Variants in PTPRN2 observed in about 807,000 individuals in gnomAD.
The protein encoded by PTPRN2 is protein tyrosine phosphatase receptor type N2.
Under a neutral mutation model 118.8 loss-of-function variants are expected in PTPRN2, and 74 were observed. That is an observed-to-expected ratio of 0.62 (90% CI 0.52 to 0.76). PTPRN2 has a LOEUF of 0.76. PTPRN2 is among the 30% of genes least tolerant of loss of function. PTPRN2 has a pLI of 0.00. For missense variants in PTPRN2, 1,481 were observed against 1,394.4 expected, an observed-to-expected ratio of 1.06 and a Z score of -0.99; for synonymous variants, 641 against 608.0, an observed-to-expected ratio of 1.05 and a Z score of -0.80.
At chr7:158,342,688 G>A (rs1411211349) in intron 2 of PTPRN2, among the ~76,000 whole-genome samples, 3 of 152,126 alleles carry the variant, frequency 2.0e-5, no homozygotes, top group Non-Finnish European at 2.9e-5. Flanking sequence ...AACTGTCATG[G>A]TCCCCATTCC....
intron 14 of PTPRN2, among the ~76,000 whole-genome samples, chr7:157,624,708 T>C (rs1328671404): frequency 1.3e-5 from 2 of 152,234 alleles, no homozygotes; most frequent in Non-Finnish European, 2.9e-5. Context: ...GGGCCGTCTA[T>C]ACTGTGGTCA....
At chr7:157,556,417 G>A (rs562779544) in intron 21 of PTPRN2, among the ~76,000 whole-genome samples, 52 of 126,116 alleles carry the variant, frequency 4.1e-4, no homozygotes, top group East Asian at 2.2e-3. Flanking sequence ...TCATACATAC[G>A]CACATGCACA....
chr7:157,913,250 TTGCATG>T (rs1798198552), intron 11 of PTPRN2, among the ~76,000 whole-genome samples: 1 of 152,218 alleles, frequency 6.6e-6, no homozygotes, highest in Non-Finnish European at 1.5e-5. Flanking sequence ...CAGCTGACTT[TTGCATG>T]ATTTCATATA....
chr7:157,844,792 C>T (rs532609370), intron 12 of PTPRN2, among the ~76,000 whole-genome samples: 59 of 152,302 alleles, frequency 3.9e-4, no homozygotes, highest in Admixed American at 3.4e-3. Context: ...GTGAGCTGGG[C>T]GCTGCCTGCA....
At chr7:158,136,561 A>G in intron 8 of PTPRN2, 94 bp downstream of exon 8, 1 of 1,286,756 alleles carries the variant, frequency 7.8e-7, no homozygotes, top group South Asian at 1.3e-5. Flanking sequence ...TGGGAAAAAA[A>G]CTTTTGTATT....
intron 9 of PTPRN2, among the ~76,000 whole-genome samples, chr7:158,120,158 G>A (rs1408495125): frequency 1.3e-5 from 2 of 152,162 alleles, no homozygotes; most frequent in African/African-American, 2.4e-5. Context: ...CAAATTCAGA[G>A]AGACACAGAG....
chr7:157,660,426 C>T (rs1248175137), intron 13 of PTPRN2, among the ~76,000 whole-genome samples: 3 of 152,090 alleles, frequency 2.0e-5, no homozygotes, highest in Non-Finnish European at 2.9e-5. Flanking sequence ...CACAAACTTC[C>T]GTTTTTATTG....
At position 157,788,223 on chromosome 7, in the gene PTPRN2, A is replaced by G. The variant is rs113465913; in HGVS notation, c.1789-105286T>C. ...ACTCCGTCTCTACTAAAAGTACAAAAAAGTAGCCAGGTGTGGTAGCATGAG... is the reference window on the plus strand; with the variant it reads ...ACTCCGTCTCTACTAAAAGTACAAAGAAGTAGCCAGGTGTGGTAGCATGAG... On this transcript the variant is annotated intron_variant, in intron 12 of 22. Coordinates refer to ENST00000389418, the MANE Select transcript of PTPRN2 (RefSeq NM_002847.5). 1.8e-3 allele frequency among the ~76,000 whole-genome samples: 271 copies of G among 152,120 alleles called. 3 individuals carry two copies. The highest frequency in any genetic ancestry group is 6.4e-3 in the African/African-American group (265 of 41,470).
At position 157,785,619 on chromosome 7, in the gene PTPRN2, T is replaced by A. The variant is rs997455437; in HGVS notation, c.1789-102682A>T. 6.6e-5 allele frequency among the ~76,000 whole-genome samples: 10 copies of A among 151,990 alleles called. No homozygotes were observed. The highest frequency in any genetic ancestry group is 2.4e-4 in the African/African-American group (10 of 41,368). ...AGGGAAGCTTCTCCCAGGACCAGGGTCCCTGCTTTCTGCAGACGGTGGGCA... is the reference window on the plus strand; with the variant it reads ...AGGGAAGCTTCTCCCAGGACCAGGGACCCTGCTTTCTGCAGACGGTGGGCA... On this transcript the variant is annotated intron_variant, in intron 12 of 22. Transcript: ENST00000389418. The surrounding 1 kb of genome is among the most constrained non-coding windows in gnomAD (Gnocchi z 7.3).
chr7:158,273,529 C>T (rs1281411290), intron 3 of PTPRN2, among the ~76,000 whole-genome samples: 1 of 78,656 alleles, frequency 1.3e-5, no homozygotes, highest in African/African-American at 5.6e-5. Context: ...TGGGAGGAGC[C>T]GCAGACACGG....
intron 11 of PTPRN2, among the ~76,000 whole-genome samples, chr7:158,008,140 T>A (rs1386366468): frequency 2.2e-5 from 1 of 45,184 alleles, no homozygotes; most frequent in Non-Finnish European, 6.0e-5. Flanking sequence ...CATGTACACA[T>A]GTGTGAGTGT....
At chr7:157,670,753 C>T (rs74657492) in intron 13 of PTPRN2, among the ~76,000 whole-genome samples, 1,579 of 152,330 alleles carry the variant, frequency 0.01, 50 homozygotes, top group East Asian at 0.092. Flanking sequence ...AGATCCAACA[C>T]GACCTCTGTG....
intron 2 of PTPRN2, among the ~76,000 whole-genome samples, chr7:158,416,333 A>G (rs1814653856): frequency 6.6e-6 from 1 of 152,172 alleles, no homozygotes; most frequent in South Asian, 2.1e-4. Context: ...AAGTTTAGAT[A>G]TGCACCCCCA....
intron 11 of PTPRN2, among the ~76,000 whole-genome samples, chr7:158,060,424 C>T (rs1810236809): frequency 6.6e-6 from 1 of 152,216 alleles, no homozygotes; most frequent in African/African-American, 2.4e-5. Context: ...CTGCTTTCTC[C>T]CCAGCTCCCA....
At chr7:157,782,315 C>T (rs931668013) in intron 12 of PTPRN2, among the ~76,000 whole-genome samples, 12 of 152,230 alleles carry the variant, frequency 7.9e-5, no homozygotes, top group Non-Finnish European at 7.3e-5. Context: ...CTCAGGCATC[C>T]GAGAATTAAT....
intron 11 of PTPRN2, among the ~76,000 whole-genome samples, chr7:157,900,973 T>C (rs567914144): frequency 1.4e-4 from 21 of 152,304 alleles, no homozygotes; most frequent in Non-Finnish European, 1.0e-4. Context: ...AGAGGTTTAT[T>C]TGGCTCACAG....
At chr7:158,332,761 A>G (rs1249934452) in intron 2 of PTPRN2, among the ~76,000 whole-genome samples, 15 of 150,960 alleles carry the variant, frequency 9.9e-5, no homozygotes, top group Non-Finnish European at 2.1e-4. Context: ...CACAGAGGAC[A>G]CTCACACCCA....
intron 6 of PTPRN2, among the ~76,000 whole-genome samples, chr7:158,149,498 A>T (rs561555779): frequency 1.3e-5 from 2 of 152,086 alleles, no homozygotes; most frequent in South Asian, 4.2e-4. Flanking sequence ...CAATTAACTC[A>T]CTGATTTTTA....
rs1322795977 is a variant in PTPRN2 at position 158,023,001 on chromosome 7, TGGGAAAG to T, written c.1723+58290_1723+58296del. On this transcript the variant is annotated intron_variant, in intron 11 of 22. Transcript: ENST00000389418. ...CTCCTGTTTAGTCCTCAATGGGAAA[TGGGAAAG>T]GGCTTTGTTTTCAGTGTGCATTTAT... 3.9e-5 allele frequency among the ~76,000 whole-genome samples: 6 copies of T among 152,242 alleles called. No individual in the cohort carries two copies. The South Asian group carries it at 1.2e-3, about 32-fold the overall frequency.
Sources: gnomAD v4.1 joint callset for allele counts (sites outside exome capture counted in the v4.1 genomes callset) on GRCh38, gnomAD v4.1.1 for gene constraint, Gnocchi (gnomAD v3.1) non-coding constraint, MANE v1.5 for transcripts, NCBI Gene and HGNC (gene_info 2026-07-23, HGNC 2026-07-21) for gene names.